The following RNF19A variants were observed in gnomAD, a reference collection of about 807,000 sequenced individuals.
RNF19A encodes E3 ubiquitin-protein ligase RNF19A.
A neutral mutation model predicts 75.7 loss-of-function variants in RNF19A; 32 were observed. The observed-to-expected ratio is 0.42, with a 90% confidence interval of 0.32 to 0.57. RNF19A has a LOEUF of 0.57. Ranked by LOEUF, RNF19A falls within the 20% of genes least tolerant of loss-of-function variation. RNF19A has a pLI of 0.10. For missense variants in RNF19A, 782 were observed against 1,036.3 expected (o/e 0.75, Z 3.37); for synonymous variants, 335 against 345.2 (o/e 0.97, Z 0.33).
chr8:100,264,316 T>C lies in RNF19A; in HGVS notation c.1307-121A>G, dbSNP rs1452514147. On this transcript the variant is annotated intron_variant, in intron 6 of 9. Transcript: ENST00000341084. The surrounding 1 kb of genome is among the most constrained non-coding windows in gnomAD (Gnocchi z 4.7). The stretch of plus-strand genomic sequence containing the variant: ...AGAAAAGCGCCAGGGTTCTGAAGAG[T>C]TGGCTGGAACATTTGCCAAAAGTAG... 12 of 871,640 alleles carry C rather than the reference T, an allele frequency of 1.4e-5. No individual in the cohort carries two copies. Among genetic ancestry groups the C allele is most frequent in the Non-Finnish European group, 2.0e-5 (12 of 589,338 alleles). 54.0% of individuals were successfully genotyped at this position (871,640 alleles called of 1,614,324 possible).
In RNF19A at chr8:100,307,416, C is replaced by A. The variant is rs377092771; in HGVS notation, c.-94+2451G>T. On this transcript the variant is annotated intron_variant, in intron 1 of 9. Transcript: ENST00000341084. ...ATTACAGAAAACTACATATCTCAAC[C>A]ATCTGTGCCCTGTAGATTAAAAACG... Among the ~76,000 whole-genome samples, 30 of 152,152 alleles carry A rather than the reference C, an allele frequency of 2.0e-4. No individual in the cohort carries two copies. In the East Asian group the frequency reaches 5.4e-3, roughly 27 times the overall value.
intron 2 of RNF19A, among the ~76,000 whole-genome samples, chr8:100,277,802 A>G (rs866604998): frequency 1.3e-5 from 2 of 152,218 alleles, no homozygotes; most frequent in African/African-American, 4.8e-5. Context: ...TTTTTTAATC[A>G]AAGTTTTAAT....
intron 1 of RNF19A, among the ~76,000 whole-genome samples, chr8:100,319,978 G>A (rs1232628920): frequency 6.6e-6 from 1 of 150,552 alleles, no homozygotes; most frequent in Non-Finnish European, 1.5e-5. Context: ...TGGGATTACA[G>A]GTGCCCGCCA....
intron 1 of RNF19A, among the ~76,000 whole-genome samples, chr8:100,292,917 G>A (rs1821376448): frequency 6.6e-6 from 1 of 152,130 alleles, no homozygotes; most frequent in South Asian, 2.1e-4. Flanking sequence ...TTCTTGTGCA[G>A]CGGTGCCCAA....
At chr8:100,272,846 A>G (rs2861348) in intron 3 of RNF19A, among the ~76,000 whole-genome samples, 69,776 of 151,570 alleles carry the variant, frequency 0.46, 16,932 homozygotes, top group African/African-American at 0.63. Context: ...CACTGCGCCC[A>G]GCCCTCACTG....
At chr8:100,319,554 G>T (rs1822434692) in intron 1 of RNF19A, among the ~76,000 whole-genome samples, 1 of 129,656 alleles carries the variant, frequency 7.7e-6, no homozygotes, top group African/African-American at 2.8e-5. Flanking sequence ...TTTTGAGACA[G>T]AGTCTCACTC....
At chr8:100,283,598 C>T (rs947607568) in intron 2 of RNF19A, among the ~76,000 whole-genome samples, 17 of 152,142 alleles carry the variant, frequency 1.1e-4, no homozygotes, top group African/African-American at 4.1e-4. Flanking sequence ...GTCAGAAACC[C>T]CAAGAGATCT....
rs1008288574 is a variant in RNF19A at position 100,266,543 on chromosome 8, C to G, written c.1192-1758G>C. 2.0e-5 allele frequency among the ~76,000 whole-genome samples: 3 copies of G among 152,286 alleles called. No homozygotes were observed. The East Asian group carries it at 5.8e-4, about 29-fold the overall frequency. On this transcript the variant is annotated intron_variant, in intron 5 of 9. Transcript: ENST00000341084. ...TCTCTTTTTTGGAAATAGGGTCTCTCTGTGTCGCTCAGACTAGAGTGCAGT... is the reference window on the plus strand; with the variant it reads ...TCTCTTTTTTGGAAATAGGGTCTCTGTGTGTCGCTCAGACTAGAGTGCAGT...
In RNF19A at chr8:100,317,145, CG is replaced by C. The variant is rs1822395704; in HGVS notation, c.-242-3774del. 6.6e-6 allele frequency among the ~76,000 whole-genome samples: 1 copy of C among 152,236 alleles called. No individual in the cohort carries two copies. The highest frequency in any genetic ancestry group is 6.5e-5 in the Admixed American group (1 of 15,288). The stretch of plus-strand genomic sequence containing the variant: ...CGCAAGCGCCGCACGCAGCCCAGCC[CG>C]GGTTCCCGCTCGCGCCTCTCCCTCC... On this transcript the variant is annotated intron_variant, in intron 1 of 3. Coordinates refer to the RNF19A transcript ENST00000519527. This position sits in a 1 kb window ranked among gnomAD's most constrained non-coding sequence, Gnocchi z 4.3.
intron 1 of RNF19A, among the ~76,000 whole-genome samples, chr8:100,335,579 C>T (rs776270381): frequency 4.6e-5 from 7 of 152,236 alleles, no homozygotes; most frequent in Non-Finnish European, 1.0e-4. Flanking sequence ...ACTCCAAAGT[C>T]TACTGTACAC....
At chr8:100,265,366 C>T (rs1249305481) in intron 5 of RNF19A, among the ~76,000 whole-genome samples, 1 of 151,732 alleles carries the variant, frequency 6.6e-6, no homozygotes, top group Non-Finnish European at 1.5e-5. Flanking sequence ...AAGTAAATGG[C>T]AGAGAAAGAA....
rs764700005 is a variant in RNF19A at position 100,261,584 on chromosome 8, G to A, written c.1640C>T (p.Thr547Met). The A allele has an allele frequency of 5.3e-5, 86 of 1,613,764 alleles. No individual in the cohort carries two copies. Among genetic ancestry groups the A allele is most frequent in the Non-Finnish European group, 6.1e-5 (72 of 1,179,988 alleles). ...STMALAGASI[T>M]GSLSGSAMVN... ...CATGGCACTTCCTGACAGACTCCCC[G>A]TTATACTGGCTCCAGCTAGTGCCAT... is the stretch of plus-strand genomic sequence containing the variant. The change falls in exon 8 of 10, where the codon ACG becomes ATG. Residue 547 changes from threonine (T) to methionine (M), a missense_variant. Transcript: ENST00000341084. The surrounding 1 kb of genome is among the most constrained non-coding windows in gnomAD (Gnocchi z 4.4).
At chr8:100,335,169 A>C (rs545341496) in intron 1 of RNF19A, among the ~76,000 whole-genome samples, 1 of 152,398 alleles carries the variant, frequency 6.6e-6, no homozygotes, top group East Asian at 1.9e-4. Context: ...ATGTTAGTAC[A>C]TAGCTCCCCT....
rs1029712727 is a variant in RNF19A at position 100,331,656 on chromosome 8, A to T, written c.-243+4452T>A. Among the ~76,000 whole-genome samples the T allele has an allele frequency of 7.9e-5, 12 of 152,064 alleles. No individual in the cohort carries two copies. Among genetic ancestry groups the T allele is most frequent in the Non-Finnish European group, 2.9e-5 (2 of 67,988 alleles). ...ACAAACAAAACAAAACAAAAACCAG[A>T]TATACGGCGCAAAATTTGAAAGGAA... On this transcript the variant is annotated intron_variant, in intron 1 of 3. Transcript: ENST00000519527. This position sits in a 1 kb window ranked among gnomAD's most constrained non-coding sequence, Gnocchi z 5.2.
chr8:100,282,170 T>C (rs1820808754), intron 2 of RNF19A, among the ~76,000 whole-genome samples: 3 of 152,206 alleles, frequency 2.0e-5, no homozygotes, highest in African/African-American at 4.8e-5. Flanking sequence ...AAAGCTGACA[T>C]GTCTCCTGTG....
chr8:100,287,412 T>G lies in RNF19A; in HGVS notation c.674+89A>C. ...TGTCTGTTGAATGAATTCTCCAGCA[T>G]GTAAAAATTTTTCTTTTGAGTAATA... On this transcript the variant is annotated intron_variant, in intron 2 of 9. Coordinates refer to ENST00000341084, the MANE Select transcript of RNF19A (RefSeq NM_183419.4). The surrounding 1 kb of genome is among the most constrained non-coding windows in gnomAD (Gnocchi z 4.1). 8.3e-7 allele frequency: 1 copy of G among 1,199,982 alleles called. No homozygotes were observed. The highest frequency in any genetic ancestry group is 2.4e-5 in the East Asian group (1 of 41,640). 74.3% of individuals were successfully genotyped at this position (1,199,982 alleles called of 1,614,324 possible). A position where few individuals can be genotyped will look rare whatever the true frequency, so the allele number is the denominator to read the frequency against.
At chr8:100,298,921 A>G (rs1197111313) in intron 1 of RNF19A, among the ~76,000 whole-genome samples, 1 of 152,228 alleles carries the variant, frequency 6.6e-6, no homozygotes, top group African/African-American at 2.4e-5. Context: ...AGAGCGCAAA[A>G]TGCCAGGTAT....
chr8:100,290,099 G>T (rs1434272181), intron 1 of RNF19A, among the ~76,000 whole-genome samples: 3 of 152,148 alleles, frequency 2.0e-5, no homozygotes, highest in African/African-American at 7.2e-5. Context: ...TACATTTTGT[G>T]GTGAGGCACA....
upstream of RNF19A, among the ~76,000 whole-genome samples, chr8:100,314,915 C>CA (rs1423089328): frequency 3.8e-4 from 58 of 152,180 alleles, no homozygotes; most frequent in African/African-American, 1.4e-3. The surrounding 1 kb of genome is among the most constrained non-coding windows in gnomAD (Gnocchi z 4.1). Context: ...CTTAGCTATG[C>CA]ACATGACATG....
Sources: gnomAD v4.1 joint callset for allele counts (sites outside exome capture counted in the v4.1 genomes callset) on GRCh38, gnomAD v4.1.1 for gene constraint, Gnocchi (gnomAD v3.1) non-coding constraint, MANE v1.5 for transcripts, NCBI Gene and HGNC (gene_info 2026-07-23, HGNC 2026-07-21) for gene names.